Variants in PPP4R3A observed in about 807,000 individuals in gnomAD.
PPP4R3A encodes serine/threonine-protein phosphatase 4 regulatory subunit 3A.
Under a neutral mutation model 91.7 loss-of-function variants are expected in PPP4R3A, and 15 were observed. That is an observed-to-expected ratio of 0.16 (90% confidence interval 0.11 to 0.25). PPP4R3A has a LOEUF of 0.25. Among genes scored for constraint, PPP4R3A ranks in the 10% least tolerant of loss-of-function variants. The pLI is 1.00. For missense variants in PPP4R3A, 623 were observed against 998.4 expected (o/e 0.62, Z 5.07); for synonymous variants, 377 against 348.7 (o/e 1.08, Z -0.91).
At chr14:91,467,956 CA>C (rs1215658854) in intron 10 of PPP4R3A, among the ~76,000 whole-genome samples, 28 of 152,128 alleles carry the variant, frequency 1.8e-4, no homozygotes, top group Admixed American at 1.4e-3. Flanking sequence ...AGAAGAACCA[CA>C]AGTATCTTAA....
intron 5 of PPP4R3A, among the ~76,000 whole-genome samples, 180 bp downstream of exon 5, chr14:91,476,729 C>A (rs1015199377): frequency 4.6e-5 from 7 of 152,120 alleles, no homozygotes; most frequent in Non-Finnish European, 1.0e-4. Flanking sequence ...CCATGCTTGG[C>A]TAATTTTTGT....
chr14:91,462,167 C>T lies in PPP4R3A; in HGVS notation c.2046G>A (p.Trp682Ter). The change falls in exon 13 of 15, where the codon TGG becomes TGA. Residue 682 changes from tryptophan to a stop codon, truncating the protein, a stop_gained. Transcript: ENST00000554943. LOFTEE classifies it high-confidence loss of function. ...ARTLEDEEEM[W>*]FNTDEDDMED... ...CCATGTCATCTTCATCTGTGTTAAA[C>T]CACATCTCTTCTTCATCTTCTAGTG... 1 of 1,609,282 alleles carries T rather than the reference C, an allele frequency of 6.2e-7. No individual in the cohort carries two copies. The highest frequency in any genetic ancestry group is 8.5e-7 in the Non-Finnish European group (1 of 1,178,500).
chr14:91,476,118 G>A (rs902794190), intron 6 of PPP4R3A, 152 bp from the exon 7 acceptor site: 2 of 769,980 alleles, frequency 2.6e-6, no homozygotes, highest in Non-Finnish European at 3.9e-6. Context: ...CTTATTGTAC[G>A]GATAAAATTA....
intron 7 of PPP4R3A, chr14:91,474,900 C>T (rs914027862): frequency 2.0e-5 from 3 of 152,124 alleles, no homozygotes; most frequent in Non-Finnish European, 4.4e-5. Context: ...CTTTTTTGCA[C>T]CTATCCTGCA....
intron 3 of PPP4R3A, among the ~76,000 whole-genome samples, chr14:91,483,868 G>A (rs1399767744): frequency 6.6e-6 from 1 of 152,032 alleles, no homozygotes; most frequent in Non-Finnish European, 1.5e-5. Flanking sequence ...ACCAAACAAA[G>A]GTAAAGATCA....
chr14:91,480,183 A>C (rs1349586873), intron 4 of PPP4R3A, among the ~76,000 whole-genome samples: 2 of 152,248 alleles, frequency 1.3e-5, no homozygotes, highest in Non-Finnish European at 2.9e-5. Flanking sequence ...ATAAGCAATT[A>C]TCAATAGACA....
At chr14:91,496,519 C>G (rs1391158441) in intron 1 of PPP4R3A, among the ~76,000 whole-genome samples, 1 of 152,042 alleles carries the variant, frequency 6.6e-6, no homozygotes, top group Non-Finnish European at 1.5e-5. Context: ...TCAAAACTCT[C>G]TTAGTAGTGT....
At chr14:91,480,309 G>A (rs1889477927) in intron 4 of PPP4R3A, among the ~76,000 whole-genome samples, 1 of 152,128 alleles carries the variant, frequency 6.6e-6, no homozygotes, top group Admixed American at 6.5e-5. Context: ...TCCTTCAGAT[G>A]GGGAAACCGA....
Position 91,473,111 on chromosome 14 carries a change from C to T in PPP4R3A, c.1423G>A (p.Gly475Ser). 6.2e-7 allele frequency: 1 copy of T among 1,614,052 alleles called. No homozygotes were observed. The highest frequency in any genetic ancestry group is 1.3e-5 in the African/African-American group (1 of 75,004). ...TGCATACAGTGCTTGTAGAAGAAAC[C>T]CAGAAATTCAGTCTTTTCTGTTTTC... ...ANKTEKTEFL[G>S]FFYKHCMHVL... The change falls in exon 9 of 15, where the codon GGT becomes AGT. Residue 475 changes from glycine to serine, a missense_variant. Around this residue, in one of 5 missense-constraint regions of PPP4R3A, gnomAD observed 87 missense variants for 233.9 expected, o/e 0.37. Coordinates refer to ENST00000554943, the MANE Select transcript of PPP4R3A (RefSeq NM_001366432.2).
chr14:91,496,550 G>C (rs921592837), intron 1 of PPP4R3A, among the ~76,000 whole-genome samples: 1 of 152,080 alleles, frequency 6.6e-6, no homozygotes, highest in Non-Finnish European at 1.5e-5. Context: ...AGGATAATAA[G>C]AAAGAGGGAA....
intron 3 of PPP4R3A, 130 bp downstream of exon 3, chr14:91,485,502 A>G (rs1176972032): frequency 1.5e-6 from 1 of 669,140 alleles, no homozygotes; most frequent in Non-Finnish European, 2.5e-6. Context: ...CTTTAAATCA[A>G]GTTCAAAGAC....
At chr14:91,506,323 G>A (rs1434782553) in intron 1 of PPP4R3A, among the ~76,000 whole-genome samples, 1 of 152,174 alleles carries the variant, frequency 6.6e-6, no homozygotes, top group Non-Finnish European at 1.5e-5. Flanking sequence ...GCAAATGCAA[G>A]TAGACAGTAA....
intron 1 of PPP4R3A, 98 bp from the exon 2 acceptor site, chr14:91,490,900 ATTTTTT>A (rs36126220): frequency 1.8e-5 from 5 of 278,854 alleles, no homozygotes; most frequent in South Asian, 1.4e-4. Context: ...AATAATAATA[ATTTTTT>A]TTTTTTTTTT....
intron 1 of PPP4R3A, among the ~76,000 whole-genome samples, chr14:91,492,780 A>G (rs1276534825): frequency 2.6e-5 from 4 of 152,172 alleles, no homozygotes; most frequent in African/African-American, 9.7e-5. Flanking sequence ...ATTTTGGAGA[A>G]AATACTGTTT....
In PPP4R3A at chr14:91,458,748, C is replaced by T. The variant is rs1475402828; in HGVS notation, c.*11G>A. On this transcript the variant is annotated 3_prime_UTR_variant, in exon 15 of 15. Transcript: ENST00000554943. ...TTTTCAACAGGTACTGATCCTAGGCCGTTGCCATTATTATGAATCAAATTT... is the reference window on the plus strand; with the variant it reads ...TTTTCAACAGGTACTGATCCTAGGCTGTTGCCATTATTATGAATCAAATTT... 1.5e-5 allele frequency: 24 copies of T among 1,613,672 alleles called. No individual in the cohort carries two copies. The highest frequency in any genetic ancestry group is 2.2e-5 in the East Asian group (1 of 44,878).
intron 11 of PPP4R3A, among the ~76,000 whole-genome samples, chr14:91,463,796 G>T (rs187230832): frequency 2.1e-4 from 32 of 152,150 alleles, no homozygotes; most frequent in Admixed American, 4.6e-4. Flanking sequence ...GTCCATGTGC[G>T]TATTTGTTAT....
At chr14:91,477,093 G>T in intron 4 of PPP4R3A, 107 bp from the exon 5 acceptor site, 6 of 743,334 alleles carry the variant, frequency 8.1e-6, no homozygotes, top group Admixed American at 4.0e-5. Context: ...AAGGAAAGGT[G>T]GTATTGGCAA....
chr14:91,478,433 C>CT (rs1889340970), intron 4 of PPP4R3A, among the ~76,000 whole-genome samples: 1 of 152,258 alleles, frequency 6.6e-6, no homozygotes, highest in Admixed American at 6.5e-5. Flanking sequence ...CTGCATTAAA[C>CT]TGTACCTCAA....
At chr14:91,481,149 A>G (rs1281085985) in intron 4 of PPP4R3A, among the ~76,000 whole-genome samples, 1 of 152,170 alleles carries the variant, frequency 6.6e-6, no homozygotes, top group African/African-American at 2.4e-5. Context: ...CCTGGGCAGT[A>G]TGACAAACTC....
Sources: allele counts gnomAD v4.1 joint callset (sites outside exome capture counted in the v4.1 genomes callset), GRCh38; gene constraint gnomAD v4.1.1; regional missense constraint gnomAD v4.1.1; transcripts MANE v1.5; gene names NCBI Gene and HGNC (gene_info 2026-07-23, HGNC 2026-07-21).